Variants in PTPRN2 observed in about 807,000 individuals in gnomAD.
PTPRN2 encodes protein tyrosine phosphatase receptor type N2.
In PTPRN2, 74 loss-of-function variants were observed where a neutral mutation model predicts 118.8. The observed-to-expected ratio is 0.62, with a 90% CI of 0.52 to 0.76. The LOEUF (loss-of-function observed/expected upper bound fraction) is 0.76, where lower values mean the gene tolerates loss of function less well. Ranked by LOEUF, PTPRN2 falls within the 30% of genes least tolerant of loss-of-function variation. PTPRN2 has a pLI of 0.00. For missense variants in PTPRN2, 1,481 were observed against 1,394.4 expected (o/e 1.06, Z -0.99); for synonymous variants, 641 against 608.0 (o/e 1.05, Z -0.80).
At chr7:157,595,908 A>G (rs1585082304) in intron 16 of PTPRN2, among the ~76,000 whole-genome samples, 1 of 152,200 alleles carries the variant, frequency 6.6e-6, no homozygotes, top group African/African-American at 2.4e-5. Context: ...AGAAATGAAG[A>G]CCAGTAGCCC....
chr7:158,312,726 CA>C (rs1477336509), intron 3 of PTPRN2, among the ~76,000 whole-genome samples: 10 of 2,300 alleles, frequency 4.3e-3, no homozygotes, highest in Non-Finnish European at 0.011. Flanking sequence ...TATAGATACC[CA>C]CACACACACA....
chr7:158,059,448 C>T (rs529591420), intron 11 of PTPRN2, among the ~76,000 whole-genome samples: 4 of 125,554 alleles, frequency 3.2e-5, no homozygotes, highest in African/African-American at 1.2e-4. Flanking sequence ...GACATCACTG[C>T]AGCCACACTC....
At chr7:158,156,233 C>T (rs779405015) in intron 6 of PTPRN2, among the ~76,000 whole-genome samples, 3 of 152,104 alleles carry the variant, frequency 2.0e-5, no homozygotes, top group Non-Finnish European at 4.4e-5. Context: ...CTATTGAATG[C>T]AATACTGAGG....
intron 12 of PTPRN2, among the ~76,000 whole-genome samples, chr7:157,703,614 T>C (rs2050933542): frequency 7.1e-6 from 1 of 140,008 alleles, no homozygotes. Context: ...CCAGCGTGGG[T>C]CTTCCACAAA....
At chr7:157,699,075 C>A (rs560423913) in intron 12 of PTPRN2, among the ~76,000 whole-genome samples, 24 of 152,380 alleles carry the variant, frequency 1.6e-4, no homozygotes, top group African/African-American at 5.8e-4. Flanking sequence ...ACATACTACA[C>A]ATCCATTACA....
intron 2 of PTPRN2, among the ~76,000 whole-genome samples, chr7:158,348,964 C>T: frequency 3.4e-5 from 3 of 87,116 alleles, no homozygotes; most frequent in East Asian, 3.5e-4. Context: ...CTGAGGGTGG[C>T]CCACGTCACT....
intron 12 of PTPRN2, among the ~76,000 whole-genome samples, chr7:157,743,397 C>T (rs2366832): frequency 0.41 from 62,304 of 152,090 alleles, 13,831 homozygotes; most frequent in Non-Finnish European, 0.51. Flanking sequence ...ATCGGTGCGG[C>T]GGGCTATGCT....
chr7:158,397,616 T>C (rs1812618374), intron 2 of PTPRN2, among the ~76,000 whole-genome samples: 1 of 152,150 alleles, frequency 6.6e-6, no homozygotes, highest in African/African-American at 2.4e-5. Flanking sequence ...TCATACCATT[T>C]GGGCAGGTCT....
chr7:157,827,020 G>A (rs745533744), intron 12 of PTPRN2, among the ~76,000 whole-genome samples: 5 of 152,112 alleles, frequency 3.3e-5, no homozygotes, highest in Admixed American at 6.5e-5. Flanking sequence ...CAGACACATT[G>A]CACTAGAGAT....
At chr7:158,006,244 C>T (rs995329059) in intron 11 of PTPRN2, among the ~76,000 whole-genome samples, 2 of 152,198 alleles carry the variant, frequency 1.3e-5, no homozygotes, top group Non-Finnish European at 2.9e-5. Context: ...ATCCCTTTTC[C>T]TTTTTAGAGA....
chr7:157,791,476 G>A (rs1326571805), intron 12 of PTPRN2, among the ~76,000 whole-genome samples: 1 of 152,130 alleles, frequency 6.6e-6, no homozygotes, highest in Non-Finnish European at 1.5e-5. Context: ...TATGTGCCCG[G>A]GTCCCGCCTC....
intron 2 of PTPRN2, among the ~76,000 whole-genome samples, chr7:158,404,514 A>G (rs1424060915): frequency 6.6e-6 from 1 of 152,156 alleles, no homozygotes; most frequent in Non-Finnish European, 1.5e-5. Context: ...GGGGCTCCCC[A>G]GGGGACGTGG....
In PTPRN2 at chr7:157,824,551, G is replaced by A. The variant is rs112805471; in HGVS notation, c.1788+74122C>T. On this transcript the variant is annotated intron_variant, in intron 12 of 22. Coordinates refer to ENST00000389418, the MANE Select transcript of PTPRN2 (RefSeq NM_002847.5). The stretch of plus-strand genomic sequence containing the variant: ...ACTCAAGGCTGCCACACAGGCCCCC[G>A]GAAGAACTCGGTAGGAACTCTGGAC... Among the ~76,000 whole-genome samples, 538 of 152,286 alleles carry A rather than the reference G, an allele frequency of 3.5e-3. 7 individuals carry two copies. The highest frequency in any genetic ancestry group is 0.012 in the African/African-American group (504 of 41,570).
chr7:158,362,904 G>C (rs1263490629), intron 2 of PTPRN2, among the ~76,000 whole-genome samples: 1 of 152,196 alleles, frequency 6.6e-6, no homozygotes, highest in East Asian at 1.9e-4. Flanking sequence ...TGGGGACCTT[G>C]AGTCAGAATT....
At chr7:158,550,177 C>T (rs1826556902) in intron 1 of PTPRN2, among the ~76,000 whole-genome samples, 1 of 152,204 alleles carries the variant, frequency 6.6e-6, no homozygotes, top group Non-Finnish European at 1.5e-5. Context: ...TCCTCGAGCT[C>T]CTCGGAGCCC....
intron 12 of PTPRN2, among the ~76,000 whole-genome samples, chr7:157,728,348 G>A (rs1174069702): frequency 1.3e-5 from 2 of 152,242 alleles, no homozygotes; most frequent in African/African-American, 4.8e-5. Context: ...GGCGCGTGAA[G>A]ATCTTTCTCA....
At chr7:157,897,965 C>T (rs1431782481) in intron 12 of PTPRN2, among the ~76,000 whole-genome samples, 2 of 152,400 alleles carry the variant, frequency 1.3e-5, no homozygotes, top group East Asian at 1.9e-4. Flanking sequence ...TCAGAGGAGG[C>T]GCGTCCGCGC....
intron 12 of PTPRN2, among the ~76,000 whole-genome samples, chr7:157,827,552 A>T (rs1807265621): frequency 1.3e-5 from 2 of 152,178 alleles, no homozygotes; most frequent in African/African-American, 4.8e-5. Flanking sequence ...TCCTCCATTC[A>T]ATTCACTTAT....
chr7:157,936,427 C>T (rs1799702821), intron 11 of PTPRN2, among the ~76,000 whole-genome samples: 1 of 152,198 alleles, frequency 6.6e-6, no homozygotes, highest in African/African-American at 2.4e-5. Context: ...CGCGAGCATC[C>T]TCCCTGTAGC....
Sources: gnomAD v4.1 joint callset for allele counts (sites outside exome capture counted in the v4.1 genomes callset) on GRCh38, gnomAD v4.1.1 for gene constraint, MANE v1.5 for transcripts, NCBI Gene and HGNC (gene_info 2026-07-23, HGNC 2026-07-21) for gene names.